Variants in PALLD observed in about 807,000 individuals in gnomAD.
The protein encoded by PALLD is palladin, cytoskeletal associated protein, also known as palladin.
In PALLD, 61 loss-of-function variants were observed where a neutral mutation model predicts 123.5. The observed-to-expected ratio is 0.49, with a 90% confidence interval of 0.40 to 0.61. PALLD has a LOEUF of 0.61. Ranked by LOEUF, PALLD falls within the 20% of genes least tolerant of loss-of-function variation. The pLI, the probability that PALLD is intolerant of heterozygous loss-of-function variation, is 0.00. For synonymous variants in PALLD, 465 were observed against 496.4 expected (o/e 0.94, Z 0.84); for missense variants, 1,273 against 1,377.0 (o/e 0.92, Z 1.20).
chr4:168,772,061 T>A (rs1345819054), intron 10 of PALLD, among the ~76,000 whole-genome samples: 1 of 152,206 alleles, frequency 6.6e-6, no homozygotes, highest in East Asian at 1.9e-4. Context: ...CCTTTTCTAC[T>A]GAGTAGGGTT....
At chr4:168,669,893 A>T (rs1318958352) in intron 3 of PALLD, among the ~76,000 whole-genome samples, 1 of 152,120 alleles carries the variant, frequency 6.6e-6, no homozygotes. Flanking sequence ...AGGCCTGGAG[A>T]GGTAGAAGAA....
At chr4:168,643,857 C>T (rs1445565805) in intron 2 of PALLD, among the ~76,000 whole-genome samples, 3 of 152,088 alleles carry the variant, frequency 2.0e-5, no homozygotes, top group Non-Finnish European at 2.9e-5. Context: ...TGTTAATATC[C>T]CTACTTCCCG....
chr4:168,789,357 A>G (rs1490443513), intron 10 of PALLD, among the ~76,000 whole-genome samples: 4 of 152,282 alleles, frequency 2.6e-5, no homozygotes, highest in Admixed American at 2.6e-4. Context: ...TACATTTATT[A>G]CTTCTGTAAT....
Position 168,895,218 on chromosome 4 carries a change from C to T in PALLD, c.2199+541C>T, listed in dbSNP as rs192083368. ...CCAACATGGTGAAACCCCGTCTCTA[C>T]TAAAAATACAAAAATTAGCCAGGTG... On this transcript the variant is annotated intron_variant, in intron 12 of 21. Coordinates refer to ENST00000505667, the MANE Select transcript of PALLD (RefSeq NM_001166108.2). Among the ~76,000 whole-genome samples, 734 of 152,168 alleles carry T rather than the reference C, an allele frequency of 4.8e-3. 7 individuals are homozygous for T. Among genetic ancestry groups the T allele is most frequent in the Admixed American group, 5.4e-3 (83 of 15,280 alleles).
chr4:168,746,945 A>G (rs908411725), intron 10 of PALLD, among the ~76,000 whole-genome samples: 1 of 152,232 alleles, frequency 6.6e-6, no homozygotes, highest in Non-Finnish European at 1.5e-5. Context: ...ATAACCATGC[A>G]TAGGTTGGAG....
At chr4:168,839,361 A>G (rs998380811) in intron 10 of PALLD, among the ~76,000 whole-genome samples, 6 of 152,106 alleles carry the variant, frequency 3.9e-5, no homozygotes, top group Non-Finnish European at 8.8e-5. Context: ...GAAGCCTTCT[A>G]TGTCTGTTTC....
intron 1 of PALLD, among the ~76,000 whole-genome samples, chr4:168,500,674 C>A (rs1761309618): frequency 6.6e-6 from 1 of 152,156 alleles, no homozygotes; most frequent in African/African-American, 2.4e-5. Context: ...CCATGCCCAG[C>A]CCCCTATAAA....
chr4:168,746,386 A>G (rs1386200000), intron 10 of PALLD, among the ~76,000 whole-genome samples: 4 of 111,122 alleles, frequency 3.6e-5, no homozygotes, highest in African/African-American at 1.8e-4. Context: ...GTCTCAAAAA[A>G]AAAAAAAAAA....
At chr4:168,555,114 T>C (rs1767141623) in intron 2 of PALLD, among the ~76,000 whole-genome samples, 2 of 152,200 alleles carry the variant, frequency 1.3e-5, no homozygotes, top group African/African-American at 2.4e-5. Flanking sequence ...TAATGAAGTA[T>C]GAAAGAAAGA....
At chr4:168,898,227 G>T (rs1192196400) in intron 13 of PALLD, 4 of 478,656 alleles carry the variant, frequency 8.4e-6, no homozygotes, top group Non-Finnish European at 1.1e-5. Flanking sequence ...GTTTCCCCTC[G>T]CCTCAGAGAA....
intron 10 of PALLD, among the ~76,000 whole-genome samples, chr4:168,873,092 A>G (rs1751294053): frequency 6.6e-6 from 1 of 152,192 alleles, no homozygotes; most frequent in Non-Finnish European, 1.5e-5. Context: ...AAGATTTCCC[A>G]GTCCAATATG....
At chr4:168,544,342 A>G (rs1467528464) in intron 2 of PALLD, among the ~76,000 whole-genome samples, 6 of 152,384 alleles carry the variant, frequency 3.9e-5, no homozygotes, top group Middle Eastern at 3.4e-3. Flanking sequence ...GTGGATATCA[A>G]AATAAGTAAA....
At chr4:168,752,821 AATGTAT>A (rs1361727978) in intron 10 of PALLD, among the ~76,000 whole-genome samples, 3 of 151,810 alleles carry the variant, frequency 2.0e-5, no homozygotes, top group Non-Finnish European at 4.4e-5. Flanking sequence ...TTAAATTCCC[AATGTAT>A]ATTATTATTA....
At chr4:168,717,308 C>G (rs973493367) in intron 10 of PALLD, among the ~76,000 whole-genome samples, 1 of 152,024 alleles carries the variant, frequency 6.6e-6, no homozygotes, top group Non-Finnish European at 1.5e-5. Context: ...ACCTTTAGAG[C>G]AACCCCCATT....
intron 10 of PALLD, among the ~76,000 whole-genome samples, chr4:168,889,040 C>G (rs1753763267): frequency 6.6e-6 from 1 of 152,000 alleles, no homozygotes; most frequent in East Asian, 1.9e-4. Context: ...TAGGTACATT[C>G]TTAGCCTTAC....
chr4:168,803,307 G>T (rs1021336175), intron 10 of PALLD, among the ~76,000 whole-genome samples: 1 of 152,100 alleles, frequency 6.6e-6, no homozygotes, highest in Admixed American at 6.6e-5. Flanking sequence ...AGGGGGAAGT[G>T]CCACACACTC....
chr4:168,708,724 G>A (rs1263524311), intron 8 of PALLD, among the ~76,000 whole-genome samples: 1 of 152,084 alleles, frequency 6.6e-6, no homozygotes, highest in African/African-American at 2.4e-5. Context: ...CTGCACACTT[G>A]CAGACATCTC....
chr4:168,875,910 TATG>T (rs1003125534), intron 10 of PALLD, among the ~76,000 whole-genome samples: 3 of 152,216 alleles, frequency 2.0e-5, no homozygotes, highest in African/African-American at 7.2e-5. Context: ...CAGAGCGTGA[TATG>T]ATGTCTGTAG....
chr4:168,763,570 C>T (rs1459702458), intron 10 of PALLD, among the ~76,000 whole-genome samples: 2 of 152,162 alleles, frequency 1.3e-5, no homozygotes, highest in Non-Finnish European at 2.9e-5. Flanking sequence ...CACACACTTA[C>T]AGAAAAGACA....
Sources: allele counts gnomAD v4.1 joint callset (sites outside exome capture counted in the v4.1 genomes callset), GRCh38; gene constraint gnomAD v4.1.1; transcripts MANE v1.5; gene names NCBI Gene and HGNC (gene_info 2026-07-23, HGNC 2026-07-21).